The following DENND4A variants were observed in gnomAD, a reference collection of about 807,000 sequenced individuals.
The protein encoded by DENND4A is C-myc promoter-binding protein.
In DENND4A, 70 loss-of-function variants were observed where a neutral mutation model predicts 199.3. The ratio of observed to expected loss-of-function variants is 0.35; its 90% CI spans 0.29 to 0.43. DENND4A has a LOEUF of 0.43. Among genes scored for constraint, DENND4A ranks in the 20% least tolerant of loss-of-function variants. DENND4A has a pLI of 1.00. For synonymous variants in DENND4A, 686 were observed against 766.9 expected (o/e 0.89, Z 1.74); for missense variants, 1,723 against 2,255.8 (o/e 0.76, Z 4.78).
At position 65,701,619 on chromosome 15, in the gene DENND4A, A is replaced by G. The variant is rs539334728; in HGVS notation, c.2559+143T>C. 4.4e-4 allele frequency: 335 copies of G among 763,780 alleles called. 2 individuals carry two copies. Among genetic ancestry groups the G allele is most frequent in the East Asian group, 3.9e-3 (140 of 36,060 alleles). The allele number at this position is 763,780 out of a possible 1,614,324, so 47.3% of individuals were successfully genotyped here. The stretch of plus-strand genomic sequence containing the variant: ...AGTAGATTGTATAACATAAAAGAGA[A>G]CTAAAGTCTTCCTTGATTGACAAAA... On this transcript the variant is annotated intron_variant, in intron 18 of 32. Coordinates refer to ENST00000443035, the MANE Select transcript of DENND4A (RefSeq NM_001320835.1).
intron 2 of DENND4A, among the ~76,000 whole-genome samples, chr15:65,759,453 G>A (rs1273215799): frequency 6.6e-6 from 1 of 152,100 alleles, no homozygotes; most frequent in African/African-American, 2.4e-5. Context: ...ACTCCAGCCT[G>A]GGCGACCGAG....
At chr15:65,670,223 G>A in intron 25 of DENND4A, 35 bp from the exon 26 acceptor site, 12 of 1,401,458 alleles carry the variant, frequency 8.6e-6, no homozygotes, top group South Asian at 1.8e-5. Context: ...AAAGAAAGCT[G>A]GTTAATTCAG....
chr15:65,688,823 C>T (rs1196389483), intron 23 of DENND4A, among the ~76,000 whole-genome samples: 2 of 152,164 alleles, frequency 1.3e-5, no homozygotes, highest in East Asian at 3.9e-4. Context: ...GTTGGTCTCT[C>T]CCCAGAAACT....
At chr15:65,699,409 A>C (rs1300004809) in intron 20 of DENND4A, among the ~76,000 whole-genome samples, 1 of 151,876 alleles carries the variant, frequency 6.6e-6, no homozygotes. Context: ...TAAATAATTT[A>C]TTTTTAAGTG....
rs1400321698 is a variant in DENND4A at position 65,720,955 on chromosome 15, A to C, written c.1588+1893T>G. Among the ~76,000 whole-genome samples the C allele has an allele frequency of 2.8e-4, 10 of 35,858 alleles. 1 individual carries two copies. Among genetic ancestry groups the C allele is most frequent in the East Asian group, 0.018 (2 of 114 alleles). 23.5% of individuals were successfully genotyped at this position (35,858 alleles called of 152,430 possible). ...ATGGGCTGTTTCATTGATTATATATATATATATATATATATATATATATAT... is the reference window on the plus strand; with the variant it reads ...ATGGGCTGTTTCATTGATTATATATCTATATATATATATATATATATATAT... On this transcript the variant is annotated intron_variant, in intron 12 of 32. Coordinates refer to ENST00000443035, the MANE Select transcript of DENND4A (RefSeq NM_001320835.1).
intron 2 of DENND4A, among the ~76,000 whole-genome samples, chr15:65,759,489 G>GA (rs1268120136): frequency 2.0e-5 from 3 of 151,526 alleles, no homozygotes; most frequent in African/African-American, 7.3e-5. Flanking sequence ...AAAAAAAAAG[G>GA]AAAAAAAATG....
intron 4 of DENND4A, among the ~76,000 whole-genome samples, chr15:65,746,194 G>T (rs1053277766): frequency 9.9e-5 from 15 of 151,256 alleles, no homozygotes; most frequent in South Asian, 2.1e-4. Context: ...TACACACAAG[G>T]TTCAAGGTGA....
intron 20 of DENND4A, among the ~76,000 whole-genome samples, chr15:65,698,429 G>C (rs1318396720): frequency 6.6e-6 from 1 of 152,068 alleles, no homozygotes; most frequent in South Asian, 2.1e-4. Context: ...ATGATTTTAA[G>C]TAACAATGTA....
intron 23 of DENND4A, among the ~76,000 whole-genome samples, chr15:65,686,754 A>G (rs2076797186): frequency 6.6e-6 from 1 of 152,102 alleles, no homozygotes; most frequent in Admixed American, 6.5e-5. Context: ...CAGTGGCACA[A>G]TCATAGCTCA....
chr15:65,790,803 T>C lies in DENND4A; in HGVS notation c.-102+1207A>G, dbSNP rs2077696418. 2.6e-5 allele frequency among the ~76,000 whole-genome samples: 4 copies of C among 152,182 alleles called. No homozygotes were observed. In the South Asian group the frequency reaches 8.3e-4, roughly 31 times the overall value. On this transcript the variant is annotated intron_variant, in intron 1 of 32. Transcript: ENST00000443035. ...TCCCAGAACCGCTATCAACATAAAC[T>C]GAATAACTTGCTCAAGAGTCCTTAC...
chr15:65,689,470 G>C (rs1406771022), intron 23 of DENND4A, among the ~76,000 whole-genome samples: 1 of 152,128 alleles, frequency 6.6e-6, no homozygotes, highest in East Asian at 1.9e-4. Flanking sequence ...TCTGTTGATA[G>C]AGTAAAAGCT....
intron 4 of DENND4A, among the ~76,000 whole-genome samples, chr15:65,747,290 T>C (rs1381509185): frequency 6.6e-6 from 1 of 152,232 alleles, no homozygotes; most frequent in Non-Finnish European, 1.5e-5. Context: ...TCTAAAATAC[T>C]GTAATTATGT....
rs775725310 is a variant in DENND4A, at chr15:65,756,192, T to C, written c.259A>G (p.Ile87Val). The C allele has an allele frequency of 6.2e-7, 1 of 1,611,528 alleles. No individual in the cohort carries two copies. The highest frequency in any genetic ancestry group is 8.5e-7 in the Non-Finnish European group (1 of 1,178,658). Reference protein sequence around the residue: ...LNNGSLVGPQIYLCYRRGRDK... With the variant: ...LNNGSLVGPQVYLCYRRGRDK... ...CTTCCTCTTCTATAGCAAAGGTAAA[T>C]CTGTGGCCCCACAAGACTTCCATTA... The change falls in exon 3 of 33, where the codon ATT becomes GTT. Residue 87 changes from isoleucine (I) to valine (V), a missense_variant. By Grantham distance (29) the Ile-to-Val change is conservative. This residue lies in a region of DENND4A where 725 missense variants were observed against 952.9 expected (regional missense o/e 0.76). Transcript: ENST00000443035.
chr15:65,743,278 A>G (rs1481794931), intron 4 of DENND4A, among the ~76,000 whole-genome samples: 1 of 152,064 alleles, frequency 6.6e-6, no homozygotes, highest in Non-Finnish European at 1.5e-5. Context: ...CCCCAATTCC[A>G]ATCTCTTTAT....
intron 12 of DENND4A, chr15:65,719,342 A>G (rs941031550): frequency 1.4e-5 from 2 of 145,740 alleles, no homozygotes; most frequent in Admixed American, 6.8e-5. Context: ...TTTTTTTAAT[A>G]TAAGTACCTG....
chr15:65,787,413 AG>A (rs1027856824), intron 1 of DENND4A, among the ~76,000 whole-genome samples: 1 of 152,232 alleles, frequency 6.6e-6, no homozygotes, highest in Non-Finnish European at 1.5e-5. Flanking sequence ...TAACACTAGC[AG>A]GAAAATTCCC....
At chr15:65,763,547 G>C (rs867192524) in intron 1 of DENND4A, among the ~76,000 whole-genome samples, 1 of 151,826 alleles carries the variant, frequency 6.6e-6, no homozygotes, top group African/African-American at 2.4e-5. Context: ...TGGTGGTGCA[G>C]TCCTGTAGTC....
rs1341737528 is a variant in DENND4A, at chr15:65,691,034, G to A, written c.3560C>T (p.Pro1187Leu). The A allele has an allele frequency of 6.2e-7, 1 of 1,612,302 alleles. No homozygotes were observed. Among genetic ancestry groups the A allele is most frequent in the African/African-American group, 1.3e-5 (1 of 74,982 alleles). ...SKAGCVATQN[P>L]KRIQRMNSSF... ...GCTGTTCATACGTTGAATCCTCTTG[G>A]GATTTTGTGTAGCAACACATCCTGC... Residue 1187 changes from proline (P) to leucine (L), a missense_variant, in exon 23 of 33, where the codon CCC becomes CTC. By Grantham distance (98) the Pro-to-Leu change is moderately conservative. Coordinates refer to ENST00000443035, the MANE Select transcript of DENND4A (RefSeq NM_001320835.1).
At chr15:65,727,645 A>G in intron 11 of DENND4A, among the ~76,000 whole-genome samples, 1 of 152,050 alleles carries the variant, frequency 6.6e-6, no homozygotes, top group Admixed American at 6.5e-5. Context: ...AGAAAAACCT[A>G]CTTCACATTT....
Sources: gnomAD v4.1 joint callset for allele counts (sites outside exome capture counted in the v4.1 genomes callset) on GRCh38, gnomAD v4.1.1 for gene constraint, gnomAD v4.1.1 regional missense constraint, MANE v1.5 for transcripts, NCBI Gene and HGNC (gene_info 2026-07-23, HGNC 2026-07-21) for gene names.